FRAS1: variants seen among roughly 807,000 people sequenced by gnomAD.
The protein encoded by FRAS1 is extracellular matrix organizing protein FRAS1.
In FRAS1, 290 loss-of-function variants were observed where a neutral mutation model predicts 435.2. That is an observed-to-expected ratio of 0.67 (90% CI 0.61 to 0.73). FRAS1 has a LOEUF of 0.73. Ranked by LOEUF, FRAS1 falls within the 30% of genes least tolerant of loss-of-function variation. The pLI, the probability that FRAS1 is intolerant of heterozygous loss-of-function variation, is 0.00. For synonymous variants in FRAS1, 1,800 were observed against 1,851.0 expected (o/e 0.97, Z 0.71); for missense variants, 4,860 against 5,001.5 (o/e 0.97, Z 0.85).
Position 78,464,253 on chromosome 4 carries a change from C to CTCTCAA in FRAS1, c.6888+113_6888+114insATCTCA, listed in dbSNP as rs1260113118. ...GAGAGAAGAGCTTCATTTTCCTCTG[C>CTCTCAA]TCTCAGTCAAGGGGTAGGGGCAGCC... is the stretch of plus-strand genomic sequence containing the variant. On this transcript the variant is annotated intron_variant, in intron 48 of 73. Coordinates refer to ENST00000512123, the MANE Select transcript of FRAS1 (RefSeq NM_025074.7). 8.3e-6 allele frequency: 12 copies of CTCTCAA among 1,441,774 alleles called. No homozygotes were observed. The African/African-American group carries it at 1.7e-4, about 20-fold the overall frequency. The allele number at this position is 1,441,774 out of a possible 1,614,324, so 89.3% of individuals were successfully genotyped here.
chr4:78,061,651 G>C (rs1413944364), intron 1 of FRAS1, among the ~76,000 whole-genome samples: 1 of 152,222 alleles, frequency 6.6e-6, no homozygotes, highest in Non-Finnish European at 1.5e-5. Flanking sequence ...TTCACTGAGA[G>C]ACTCTATGCT....
chr4:78,307,241 T>A (rs888082639), intron 14 of FRAS1, among the ~76,000 whole-genome samples: 1 of 152,238 alleles, frequency 6.6e-6, no homozygotes, highest in Non-Finnish European at 1.5e-5. Context: ...TCAAGCTGCG[T>A]GCTGGGAGAA....
intron 2 of FRAS1, among the ~76,000 whole-genome samples, chr4:78,193,193 G>C (rs968696003): frequency 2.0e-5 from 3 of 152,158 alleles, no homozygotes; most frequent in Non-Finnish European, 4.4e-5. Context: ...TTACTTCCAA[G>C]TATGTGGTCA....
rs373930990 is a variant in FRAS1, at chr4:78,424,930, G to GA, written c.4711+520dup. On this transcript the variant is annotated intron_variant, in intron 35 of 73. Transcript: ENST00000512123. Reference sequence around the variant, plus strand: ...GGACAATAGTGAAACCTTATCTCAAGAAAAAAAAAAGAAATTAATGTTTAA... The same window carrying GA: ...GGACAATAGTGAAACCTTATCTCAAGAAAAAAAAAAAGAAATTAATGTTTAA... 7.3e-3 allele frequency among the ~76,000 whole-genome samples: 1,060 copies of GA among 145,864 alleles called. 16 individuals carry two copies. The highest frequency in any genetic ancestry group is 0.024 in the African/African-American group (955 of 39,950).
chr4:78,343,715 C>G (rs559810954), intron 20 of FRAS1, among the ~76,000 whole-genome samples: 6 of 152,184 alleles, frequency 3.9e-5, no homozygotes, highest in African/African-American at 1.4e-4. Context: ...TAAGCTGATA[C>G]AACTGCAGCA....
At position 78,317,385 on chromosome 4, in the gene FRAS1, G is replaced by C; in HGVS notation, c.1837G>C (p.Ala613Pro). ...TTCCTCAGTTTGTCATAACTCATGT[G>C]CCAGCTGCTCTGGGCCCACACCCTC... The part of the protein sequence containing the change: ...GRCKVCHNSC[A>P]SCSGPTPSHC... Residue 613 changes from alanine to proline, a missense_variant, in exon 17 of 74, where the codon GCC (alanine) becomes CCC (proline). Physicochemically the swap from Ala to Pro is conservative, Grantham distance 27 (BLOSUM62 -1). Transcript: ENST00000512123. The C allele has an allele frequency of 6.2e-7, 1 of 1,613,868 alleles. No individual in the cohort carries two copies. The highest frequency in any genetic ancestry group is 1.1e-5 in the South Asian group (1 of 91,076).
chr4:78,211,471 A>AT (rs1227853966), intron 2 of FRAS1, among the ~76,000 whole-genome samples: 1 of 152,196 alleles, frequency 6.6e-6, no homozygotes, highest in African/African-American at 2.4e-5. Flanking sequence ...TTATGTGCTC[A>AT]TTGGGCTAAC....
chr4:78,139,483 C>T (rs1291127538), intron 2 of FRAS1, among the ~76,000 whole-genome samples: 1 of 152,074 alleles, frequency 6.6e-6, no homozygotes, highest in African/African-American at 2.4e-5. Context: ...AACATTGATT[C>T]GTTTTCATCT....
chr4:78,173,201 T>G (rs1721629784), intron 2 of FRAS1, among the ~76,000 whole-genome samples: 1 of 152,222 alleles, frequency 6.6e-6, no homozygotes, highest in African/African-American at 2.4e-5. Flanking sequence ...GTCTGAGGTC[T>G]TACACAATGT....
At chr4:78,343,402 C>G (rs182162435) in intron 20 of FRAS1, among the ~76,000 whole-genome samples, 2 of 151,852 alleles carry the variant, frequency 1.3e-5, no homozygotes, top group Non-Finnish European at 2.9e-5. Flanking sequence ...AGGTTGTAGA[C>G]CAACTGACTT....
intron 2 of FRAS1, among the ~76,000 whole-genome samples, chr4:78,215,353 G>A (rs1012168721): frequency 5.3e-5 from 8 of 151,976 alleles, no homozygotes; most frequent in Non-Finnish European, 7.4e-5. Context: ...ATGCCACCAC[G>A]CACAGCTAAT....
chr4:78,115,782 T>C (rs1416429096), intron 2 of FRAS1, among the ~76,000 whole-genome samples: 2 of 152,188 alleles, frequency 1.3e-5, no homozygotes, highest in East Asian at 3.8e-4. Flanking sequence ...AAAAATCAGC[T>C]CCTGGATTCA....
chr4:78,488,314 G>T (rs1720237291), intron 58 of FRAS1, among the ~76,000 whole-genome samples: 1 of 152,082 alleles, frequency 6.6e-6, no homozygotes, highest in Non-Finnish European at 1.5e-5. Context: ...CACATCTCTG[G>T]CTTCATTTGA....
chr4:78,430,075 C>T (rs1437896888), intron 36 of FRAS1, among the ~76,000 whole-genome samples: 1 of 152,120 alleles, frequency 6.6e-6, no homozygotes, highest in Non-Finnish European at 1.5e-5. Context: ...TCAGAACTAC[C>T]TTACATGAAC....
intron 2 of FRAS1, among the ~76,000 whole-genome samples, chr4:78,174,039 CCT>C (rs1302462856): frequency 6.6e-6 from 1 of 152,212 alleles, no homozygotes; most frequent in Non-Finnish European, 1.5e-5. Flanking sequence ...CTTGGTGTCT[CCT>C]CTGTCTCCCG....
At chr4:78,088,882 G>C (rs1286180913) in intron 2 of FRAS1, among the ~76,000 whole-genome samples, 2 of 152,060 alleles carry the variant, frequency 1.3e-5, no homozygotes, top group Non-Finnish European at 1.5e-5. Flanking sequence ...GATTCTTCAG[G>C]GATCTTGAAC....
chr4:78,258,609 G>T (rs6850956), intron 6 of FRAS1, among the ~76,000 whole-genome samples: 1 of 144,826 alleles, frequency 6.9e-6, no homozygotes, highest in African/African-American at 2.5e-5. Context: ...GCATTCTTGT[G>T]GGATGTTTCT....
rs936586212 is a variant in FRAS1, at chr4:78,404,430, G to T, written c.4130-3233G>T. ...TACAAAAAAAAAAAAAAAGAAGAAG[G>T]TTAGCTCTCACCCGTCTGCAGAGAA... On this transcript the variant is annotated intron_variant, in intron 30 of 73. Coordinates refer to ENST00000512123, the MANE Select transcript of FRAS1 (RefSeq NM_025074.7). 6.6e-5 allele frequency among the ~76,000 whole-genome samples: 10 copies of T among 151,428 alleles called. No individual in the cohort carries two copies. In the South Asian group the frequency reaches 1.9e-3, roughly 28 times the overall value.
intron 30 of FRAS1, among the ~76,000 whole-genome samples, chr4:78,402,922 C>A (rs55812821): frequency 0.016 from 2,377 of 152,230 alleles, 60 homozygotes; most frequent in African/African-American, 0.053. Flanking sequence ...TTGTGCTTTT[C>A]CCCCTTTCTC....
Sources: allele counts gnomAD v4.1 joint callset (sites outside exome capture counted in the v4.1 genomes callset), GRCh38; gene constraint gnomAD v4.1.1; transcripts MANE v1.5; gene names NCBI Gene and HGNC (gene_info 2026-07-23, HGNC 2026-07-21).